DERA: variants seen among roughly 807,000 people sequenced by gnomAD.
DERA encodes the protein deoxyribose-phosphate aldolase.
DERA carries 15 observed loss-of-function variants against 41.1 expected under a neutral mutation model. That is an observed-to-expected ratio of 0.37 (90% CI 0.24 to 0.56). DERA has a LOEUF of 0.56. Among genes scored for constraint, DERA ranks in the 20% least tolerant of loss-of-function variants. The probability of loss-of-function intolerance (pLI) is 0.81; values close to 1 mark genes in which losing one functional copy is unlikely to be tolerated. For missense variants in DERA, 396 were observed against 403.4 expected (o/e 0.98, Z 0.16); for synonymous variants, 139 against 137.4 (o/e 1.01, Z -0.08).
chr12:16,005,989 C>T (rs1054363119), intron 6 of DERA, among the ~76,000 whole-genome samples: 1 of 152,198 alleles, frequency 6.6e-6, no homozygotes, highest in Non-Finnish European at 1.5e-5. Flanking sequence ...ATTCCTGTGG[C>T]CATTGTCTGA....
Position 15,915,127 on chromosome 12 carries a change from G to A in DERA, c.31+3713G>A, listed in dbSNP as rs1301762249. On this transcript the variant is annotated intron_variant, in intron 1 of 8. Coordinates refer to ENST00000428559, the MANE Select transcript of DERA (RefSeq NM_015954.4). The surrounding 1 kb of genome is among the most constrained non-coding windows in gnomAD (Gnocchi z 4.8). ...CACTGCCTTCACAGAGCTATTAATC[G>A]GTCTGGTTCAGGACCTGGACATCAA... Among the ~76,000 whole-genome samples, 3 of 152,130 alleles carry A rather than the reference G, an allele frequency of 2.0e-5. No homozygotes were observed. Among genetic ancestry groups the A allele is most frequent in the Admixed American group, 6.5e-5 (1 of 15,272 alleles).
In DERA at chr12:15,955,253, C is replaced by G. The variant is rs962882789; in HGVS notation, c.32-1683C>G. Among the ~76,000 whole-genome samples, 9 of 150,932 alleles carry G rather than the reference C, an allele frequency of 6.0e-5. No individual in the cohort carries two copies. In the East Asian group the frequency reaches 1.6e-3, roughly 26 times the overall value. On this transcript the variant is annotated intron_variant, in intron 1 of 8. Coordinates refer to ENST00000428559, the MANE Select transcript of DERA (RefSeq NM_015954.4). The stretch of plus-strand genomic sequence containing the variant: ...GGTGGAGGTTGCAGTGAGCCAAGAT[C>G]GTACCACTGCATTCCAGCCTGGGCG...
At position 16,013,282 on chromosome 12, in the gene DERA, C is replaced by A. The variant is rs1380555770; in HGVS notation, c.638-19260C>A. The stretch of plus-strand genomic sequence containing the variant: ...TTTGTGATATGGTTATGCTTTGTAT[C>A]CCCACCCAAATGTCATCTTGAATTG... On this transcript the variant is annotated intron_variant, in intron 6 of 8. Transcript: ENST00000428559. The surrounding 1 kb of genome is among the most constrained non-coding windows in gnomAD (Gnocchi z 5.8). Among the ~76,000 whole-genome samples the A allele has an allele frequency of 6.6e-6, 1 of 152,130 alleles. No homozygotes were observed. Among genetic ancestry groups the A allele is most frequent in the East Asian group, 1.9e-4 (1 of 5,196 alleles).
rs549130182 is a variant in DERA at position 15,941,977 on chromosome 12, C to A, written c.32-14959C>A. On this transcript the variant is annotated intron_variant, in intron 1 of 8. Transcript: ENST00000428559. The surrounding 1 kb of genome is among the most constrained non-coding windows in gnomAD (Gnocchi z 4.5). ...TGGTTGTACTAATTTACATTCCCAT[C>A]ACCAATGTAAAAGTGTTCCCTTTTC... Among the ~76,000 whole-genome samples, 1 of 151,878 alleles carries A rather than the reference C, an allele frequency of 6.6e-6. No individual in the cohort carries two copies. The highest frequency in any genetic ancestry group is 1.9e-4 in the East Asian group (1 of 5,182).
chr12:15,940,844 C>A lies in DERA; in HGVS notation c.32-16092C>A, dbSNP rs1017747700. Reference sequence around the variant, plus strand: ...TAATTTTTTGAGGTAGATACCGATGCTTTTTAGCAGATTTAGGTCATCCTG... The same window carrying A: ...TAATTTTTTGAGGTAGATACCGATGATTTTTAGCAGATTTAGGTCATCCTG... On this transcript the variant is annotated intron_variant, in intron 1 of 8. Coordinates refer to ENST00000428559, the MANE Select transcript of DERA (RefSeq NM_015954.4). This position sits in a 1 kb window ranked among gnomAD's most constrained non-coding sequence, Gnocchi z 5.1. Among the ~76,000 whole-genome samples the A allele has an allele frequency of 6.6e-6, 1 of 152,076 alleles. No homozygotes were observed. The highest frequency in any genetic ancestry group is 1.5e-5 in the Non-Finnish European group (1 of 68,018).
At chr12:15,914,845 G>C (rs764855730) in intron 1 of DERA, among the ~76,000 whole-genome samples, 22 of 152,038 alleles carry the variant, frequency 1.4e-4, no homozygotes, top group Non-Finnish European at 2.6e-4. Context: ...GTGTGATCTT[G>C]GCTCACTGCA....
intron 6 of DERA, among the ~76,000 whole-genome samples, chr12:16,015,391 G>A (rs543992130): frequency 6.6e-6 from 1 of 152,280 alleles, no homozygotes; most frequent in African/African-American, 2.4e-5. Flanking sequence ...AAGTTCTCAC[G>A]AGATCTGATG....
At chr12:15,914,160 T>G (rs993363548) in intron 1 of DERA, among the ~76,000 whole-genome samples, 2 of 151,954 alleles carry the variant, frequency 1.3e-5, no homozygotes, top group African/African-American at 4.8e-5. Context: ...GGCAGCCGGA[T>G]CACTTGAGAT....
chr12:16,033,581 T>TGTG (rs1949107622), intron 7 of DERA, among the ~76,000 whole-genome samples: 2 of 127,662 alleles, frequency 1.6e-5, no homozygotes, highest in East Asian at 2.2e-4. Context: ...GAGAGCAAGG[T>TGTG]TGTGTGTGTG....
chr12:15,942,282 G>A (rs1439508299), intron 1 of DERA, among the ~76,000 whole-genome samples: 1 of 152,152 alleles, frequency 6.6e-6, no homozygotes, highest in African/African-American at 2.4e-5. Context: ...CGGATGCATA[G>A]TTTGCGAATA....
Position 15,993,307 on chromosome 12 carries a change from A to G in DERA, c.637+10871A>G, listed in dbSNP as rs1392926103. 1.3e-5 allele frequency among the ~76,000 whole-genome samples: 2 copies of G among 152,176 alleles called. No homozygotes were observed. The highest frequency in any genetic ancestry group is 6.5e-5 in the Admixed American group (1 of 15,272). ...ATTAGTATCTAAGATTTTAAAAAAT[A>G]TATTTTTGAAAATTTAAATATGCAT... is the stretch of plus-strand genomic sequence containing the variant. On this transcript the variant is annotated intron_variant, in intron 6 of 8. Transcript: ENST00000428559. This position sits in a 1 kb window ranked among gnomAD's most constrained non-coding sequence, Gnocchi z 4.4.
chr12:15,919,278 G>A (rs1036745862), intron 1 of DERA, among the ~76,000 whole-genome samples: 1 of 151,118 alleles, frequency 6.6e-6, no homozygotes. Context: ...TTTTTAAAAA[G>A]CATCTAAGCC....
rs1268443830 is a variant in DERA, at chr12:15,970,826, C to T, written c.508+7879C>T. 6.6e-6 allele frequency among the ~76,000 whole-genome samples: 1 copy of T among 152,170 alleles called. No individual in the cohort carries two copies. The highest frequency in any genetic ancestry group is 2.4e-5 in the African/African-American group (1 of 41,428). ...TTATCCTTTGGTTTAAATTCAGATTCCATTCCACCAAAGCAACATGAAAAA... is the reference window on the plus strand; with the variant it reads ...TTATCCTTTGGTTTAAATTCAGATTTCATTCCACCAAAGCAACATGAAAAA... On this transcript the variant is annotated intron_variant, in intron 5 of 8. Transcript: ENST00000428559. The surrounding 1 kb of genome is among the most constrained non-coding windows in gnomAD (Gnocchi z 4.3).
Position 15,915,735 on chromosome 12 carries a change from T to C in DERA, c.31+4321T>C, listed in dbSNP as rs1948194265. On this transcript the variant is annotated intron_variant, in intron 1 of 8. Coordinates refer to ENST00000428559, the MANE Select transcript of DERA (RefSeq NM_015954.4). This position sits in a 1 kb window ranked among gnomAD's most constrained non-coding sequence, Gnocchi z 4.8. ...GATAGTGTCAACACAGAGCTCTAGC[T>C]ACTTGTAAGGCACTATGCTGAATGC... Among the ~76,000 whole-genome samples the C allele has an allele frequency of 3.9e-5, 6 of 152,254 alleles. No homozygotes were observed. The highest frequency in any genetic ancestry group is 3.9e-4 in the Admixed American group (6 of 15,292).
intron 5 of DERA, among the ~76,000 whole-genome samples, chr12:15,969,732 C>G (rs1285837262): frequency 2.0e-5 from 3 of 152,126 alleles, no homozygotes; most frequent in Non-Finnish European, 4.4e-5. Context: ...ATCTATTTTT[C>G]TTATTTGCTG....
rs1182108254 is a variant in DERA, at chr12:15,918,621, G to C, written c.31+7207G>C. Among the ~76,000 whole-genome samples, 1 of 152,162 alleles carries C rather than the reference G, an allele frequency of 6.6e-6. No homozygotes were observed. Among genetic ancestry groups the C allele is most frequent in the Admixed American group, 6.5e-5 (1 of 15,284 alleles). On this transcript the variant is annotated intron_variant, in intron 1 of 8. Transcript: ENST00000428559. This position sits in a 1 kb window ranked among gnomAD's most constrained non-coding sequence, Gnocchi z 4.3. ...AAAACCTTTATGTGGAGTGCCTGCT[G>C]TTCCTGGCACTTGTTACTTGCTGCT...
chr12:15,952,005 G>A (rs752703423), intron 1 of DERA, among the ~76,000 whole-genome samples: 1 of 151,794 alleles, frequency 6.6e-6, no homozygotes, highest in African/African-American at 2.4e-5. Flanking sequence ...AGGTTCAAGC[G>A]ATTCTTCTGC....
rs1201024896 is a variant in DERA at position 16,014,859 on chromosome 12, T to G, written c.638-17683T>G. 6.6e-6 allele frequency among the ~76,000 whole-genome samples: 1 copy of G among 152,200 alleles called. No individual in the cohort carries two copies. Among genetic ancestry groups the G allele is most frequent in the African/African-American group, 2.4e-5 (1 of 41,452 alleles). On this transcript the variant is annotated intron_variant, in intron 6 of 8. Coordinates refer to ENST00000428559, the MANE Select transcript of DERA (RefSeq NM_015954.4). The surrounding 1 kb of genome is among the most constrained non-coding windows in gnomAD (Gnocchi z 5.4). ...CAGGGGTGGAGCTGCCCAAGACCAT[T>G]GGAACCCACCTCTGCATCAGCGTGA...
Position 15,911,759 on chromosome 12 carries a change from A to C in DERA, c.31+345A>C. 1 of 569,060 alleles carries C rather than the reference A, an allele frequency of 1.8e-6. No homozygotes were observed. Among genetic ancestry groups the C allele is most frequent in the South Asian group, 1.5e-5 (1 of 65,584 alleles). 35.3% of individuals were successfully genotyped at this position (569,060 alleles called of 1,614,324 possible). ...AACAAACAACCCCCAAGCAGGTAAAAACAGATAAAAACCTTCTTTCTCCTC... is the reference window on the plus strand; with the variant it reads ...AACAAACAACCCCCAAGCAGGTAAACACAGATAAAAACCTTCTTTCTCCTC... On this transcript the variant is annotated intron_variant, in intron 1 of 8. Transcript: ENST00000428559. This position sits in a 1 kb window ranked among gnomAD's most constrained non-coding sequence, Gnocchi z 4.5.
Sources: allele counts gnomAD v4.1 joint callset (sites outside exome capture counted in the v4.1 genomes callset), GRCh38; gene constraint gnomAD v4.1.1; non-coding constraint Gnocchi (gnomAD v3.1); transcripts MANE v1.5; gene names NCBI Gene and HGNC (gene_info 2026-07-23, HGNC 2026-07-21).